The following PPP2R5C variants were observed in gnomAD, a reference collection of about 807,000 sequenced individuals.
PPP2R5C encodes the protein protein phosphatase 2 regulatory subunit B'gamma, also known as serine/threonine-protein phosphatase 2A 56 kDa regulatory subunit gamma isoform.
PPP2R5C carries 7 observed loss-of-function variants against 68.9 expected under a neutral mutation model. The ratio of observed to expected loss-of-function variants is 0.10; its 90% CI spans 0.06 to 0.19. The LOEUF (loss-of-function observed/expected upper bound fraction) is 0.19, where lower values mean the gene tolerates loss of function less well. PPP2R5C is among the 10% of genes least tolerant of loss of function. The pLI is 1.00. For missense variants in PPP2R5C, 348 were observed against 641.3 expected (o/e 0.54, Z 4.94); for synonymous variants, 210 against 222.2 (o/e 0.95, Z 0.49).
intron 7 of PPP2R5C, 118 bp downstream of exon 9, chr14:101,893,226 T>C: frequency 1.6e-6 from 1 of 624,586 alleles, no homozygotes; most frequent in Non-Finnish European, 2.8e-6. Context: ...TGTACTAACT[T>C]TGGTAACAAA....
At position 101,797,287 on chromosome 14, in the gene PPP2R5C, G is replaced by T. The variant is rs574782685; in HGVS notation, c.259+11104G>T. 2.2e-6 allele frequency: 1 copy of T among 456,050 alleles called. No individual in the cohort carries two copies. The highest frequency in any genetic ancestry group is 1.5e-5 in the South Asian group (1 of 64,562). The allele number at this position is 456,050 out of a possible 1,614,324, so 28.3% of individuals were successfully genotyped here. ...TGCCATCCTTCAGTGATGTGTGGAC[G>T]GACACATTCCGCGTATCCCCCAATC... On this transcript the variant is annotated intron_variant, in intron 3 of 14. Transcript: ENST00000328724. The surrounding 1 kb of genome is among the most constrained non-coding windows in gnomAD (Gnocchi z 4.2).
At position 101,860,404 on chromosome 14, in the gene PPP2R5C, T is replaced by C. The variant is rs78565111; in HGVS notation, c.294+3519T>C. Reference sequence around the variant, plus strand: ...TTTATTGCCCCATAATATTCCATCATACAGATATACTACGTTTTATTTATC... The same window carrying C: ...TTTATTGCCCCATAATATTCCATCACACAGATATACTACGTTTTATTTATC... On this transcript the variant is annotated intron_variant, in intron 2 of 13. Coordinates refer to ENST00000334743, the Ensembl canonical transcript of PPP2R5C. Among the ~76,000 whole-genome samples, 69 of 152,370 alleles carry C rather than the reference T, an allele frequency of 4.5e-4. 1 individual carries two copies. In the East Asian group the frequency reaches 0.011, roughly 25 times the overall value.
chr14:101,762,813 T>C, intron 1 of PPP2R5C, 92 bp from the exon 2 acceptor site: 1 of 1,010,350 alleles, frequency 9.9e-7, no homozygotes, highest in Non-Finnish European at 1.5e-6. Context: ...GCTGTAGTTG[T>C]ATAAATCACT....
chr14:101,806,758 A>C (rs555186610), upstream of PPP2R5C, among the ~76,000 whole-genome samples: 3 of 152,106 alleles, frequency 2.0e-5, no homozygotes, highest in South Asian at 6.2e-4. Flanking sequence ...CCAGGAGTTA[A>C]AAGACTATTC....
At chr14:101,836,560 A>C in intron 1 of PPP2R5C, 1 of 560,972 alleles carries the variant, frequency 1.8e-6, no homozygotes, top group Non-Finnish European at 3.2e-6. Flanking sequence ...TAAATATAAT[A>C]TCTCTACTTT....
At position 101,882,888 on chromosome 14, in the gene PPP2R5C, G is replaced by A. The variant is rs1194811434; in HGVS notation, c.406-369G>A. On this transcript the variant is annotated intron_variant, in intron 3 of 13. Transcript: ENST00000334743. This position sits in a 1 kb window ranked among gnomAD's most constrained non-coding sequence, Gnocchi z 4.9. Reference sequence around the variant, plus strand: ...TTCCTGTGTATTTGGTTGGCTCTGCGCCTTGGCATTGTGGGACACTCCTAG... The same window carrying A: ...TTCCTGTGTATTTGGTTGGCTCTGCACCTTGGCATTGTGGGACACTCCTAG... 5 of 190,968 alleles carry A rather than the reference G, an allele frequency of 2.6e-5. 1 individual carries two copies. The highest frequency in any genetic ancestry group is 2.2e-4 in the South Asian group (2 of 9,242). 11.8% of individuals were successfully genotyped at this position (190,968 alleles called of 1,614,324 possible). A position where few individuals can be genotyped will look rare whatever the true frequency, so the allele number is the denominator to read the frequency against.
intron 1 of PPP2R5C, among the ~76,000 whole-genome samples, chr14:101,851,799 T>C (rs1038349579): frequency 6.6e-6 from 1 of 152,180 alleles, no homozygotes; most frequent in Non-Finnish European, 1.5e-5. Context: ...TTCATGTAAA[T>C]GTGGGCTTGG....
At chr14:101,764,030 G>GTGC (rs1462659583) in intron 2 of PPP2R5C, among the ~76,000 whole-genome samples, 193 of 146,256 alleles carry the variant, frequency 1.3e-3, no homozygotes, top group African/African-American at 4.5e-3. Flanking sequence ...TGTGTGTGTG[G>GTGC]GCGCGCGCAC....
At chr14:101,764,780 A>G (rs1042470751) in intron 2 of PPP2R5C, among the ~76,000 whole-genome samples, 10 of 143,780 alleles carry the variant, frequency 7.0e-5, no homozygotes, top group African/African-American at 2.6e-4. Flanking sequence ...TAGGTGCTTT[A>G]TGAAGGTATA....
In PPP2R5C at chr14:101,917,964, C is replaced by T; in HGVS notation, c.1443+17C>T. 2.5e-6 allele frequency: 4 copies of T among 1,613,728 alleles called. No individual in the cohort carries two copies. The highest frequency in any genetic ancestry group is 3.4e-6 in the Non-Finnish European group (4 of 1,179,782). ...GCTCATCAGGTAAAAGTGCACCGAGCTCAGCTGGGCACCCATGACTGATTT... is the reference window on the plus strand; with the variant it reads ...GCTCATCAGGTAAAAGTGCACCGAGTTCAGCTGGGCACCCATGACTGATTT... On this transcript the variant is annotated intron_variant, in intron 13 of 13. Coordinates refer to ENST00000334743, the Ensembl canonical transcript of PPP2R5C. The surrounding 1 kb of genome is among the most constrained non-coding windows in gnomAD (Gnocchi z 4.4).
At chr14:101,826,834 G>C (rs1003611109) in intron 1 of PPP2R5C, among the ~76,000 whole-genome samples, 3 of 152,004 alleles carry the variant, frequency 2.0e-5, no homozygotes, top group African/African-American at 7.3e-5. Flanking sequence ...GGGCATCTGG[G>C]CACTTAGTCT....
At chr14:101,786,767 C>G (rs1301977908) in intron 3 of PPP2R5C, among the ~76,000 whole-genome samples, 2 of 152,164 alleles carry the variant, frequency 1.3e-5, no homozygotes. Flanking sequence ...CCCTAAAAGT[C>G]TTCCTTTAGA....
chr14:101,845,388 G>A (rs571070642), intron 1 of PPP2R5C, among the ~76,000 whole-genome samples: 26 of 152,188 alleles, frequency 1.7e-4, no homozygotes, highest in Admixed American at 1.2e-3. Flanking sequence ...GAGCTTTTCC[G>A]AGGAAAGCAG....
At chr14:101,920,497 T>C (rs935751714) in intron 13 of PPP2R5C, among the ~76,000 whole-genome samples, 4 of 152,356 alleles carry the variant, frequency 2.6e-5, no homozygotes, top group Admixed American at 1.3e-4. Context: ...ACTGATATTC[T>C]TACAACAGTG....
intron 9 of PPP2R5C, among the ~76,000 whole-genome samples, chr14:101,904,521 T>G (rs2141051044): frequency 6.6e-6 from 1 of 152,324 alleles, no homozygotes; most frequent in African/African-American, 2.4e-5. Context: ...TGTGATGCGA[T>G]TGTGCCTTGT....
chr14:101,850,207 T>G (rs539304037), intron 1 of PPP2R5C, among the ~76,000 whole-genome samples: 29 of 152,296 alleles, frequency 1.9e-4, no homozygotes, highest in Admixed American at 1.6e-3. Flanking sequence ...CCAGAGGTCC[T>G]GGTCAGCGCA....
At chr14:101,786,313 GTT>G (rs150794694) in intron 3 of PPP2R5C, 130 bp downstream of exon 3, 1,833 of 544,012 alleles carry the variant, frequency 3.4e-3, no homozygotes, top group South Asian at 6.5e-3. Context: ...GTATTGAGGG[GTT>G]TTTTTTTTTT....
At chr14:101,873,379 G>A (rs1346777289) in intron 2 of PPP2R5C, among the ~76,000 whole-genome samples, 2 of 152,164 alleles carry the variant, frequency 1.3e-5, no homozygotes, top group Admixed American at 1.3e-4. Flanking sequence ...TTTGTTTGGG[G>A]ATGCAATTAA....
At chr14:101,856,013 A>G (rs1481908954) in intron 1 of PPP2R5C, among the ~76,000 whole-genome samples, 1 of 152,226 alleles carries the variant, frequency 6.6e-6, no homozygotes, top group Non-Finnish European at 1.5e-5. Context: ...GTCAGTCGTC[A>G]TGTGTGATAA....
Sources: allele counts gnomAD v4.1 joint callset (sites outside exome capture counted in the v4.1 genomes callset), GRCh38; gene constraint gnomAD v4.1.1; non-coding constraint Gnocchi (gnomAD v3.1); transcripts MANE v1.5; gene names NCBI Gene and HGNC (gene_info 2026-07-23, HGNC 2026-07-21).